DLGAP3: variants seen among roughly 807,000 people sequenced by gnomAD.
DLGAP3 encodes disks large-associated protein 3.
A neutral mutation model predicts 81.2 loss-of-function variants in DLGAP3; 17 were observed. The ratio of observed to expected loss-of-function variants is 0.21; its 90% confidence interval spans 0.14 to 0.31. The LOEUF is 0.31. Among genes scored for constraint, DLGAP3 ranks in the 10% least tolerant of loss-of-function variants. The pLI, the probability that DLGAP3 is intolerant of heterozygous loss-of-function variation, is 1.00. For missense variants in DLGAP3, 1,124 were observed against 1,388.0 expected (o/e 0.81, Z 3.02); for synonymous variants, 577 against 587.4 (o/e 0.98, Z 0.26).
In DLGAP3 at chr1:34,904,140, G is replaced by C; in HGVS notation, c.1107+137C>G. On this transcript the variant is annotated intron_variant, in intron 3 of 11. Coordinates refer to ENST00000373347, the MANE Select transcript of DLGAP3 (RefSeq NM_001080418.3). The surrounding 1 kb of genome is among the most constrained non-coding windows in gnomAD (Gnocchi z 8.1). ...AAGGAGCTCAGAGTGACCCAATGGG[G>C]CAGGGCAGAGCCTCCCTACACCCAG... 9.4e-7 allele frequency: 1 copy of C among 1,060,254 alleles called. No homozygotes were observed. Among genetic ancestry groups the C allele is most frequent in the Non-Finnish European group, 1.4e-6 (1 of 697,002 alleles). The allele number at this position is 1,060,254 out of a possible 1,614,324, so 65.7% of individuals were successfully genotyped here. A position where few individuals can be genotyped will look rare whatever the true frequency, so the allele number is the denominator to read the frequency against.
At chr1:34,871,214 G>A (rs778361876) in intron 8 of DLGAP3, among the ~76,000 whole-genome samples, 7 of 152,040 alleles carry the variant, frequency 4.6e-5, no homozygotes, top group Admixed American at 6.5e-5. Flanking sequence ...ATTATCTGAG[G>A]CCCTGATGTC....
chr1:34,923,927 T>C (rs1187007997), intron 1 of DLGAP3, among the ~76,000 whole-genome samples: 4 of 152,158 alleles, frequency 2.6e-5, no homozygotes, highest in Non-Finnish European at 5.9e-5. Flanking sequence ...CAGTATTATC[T>C]GGAAACTGTC....
At chr1:34,886,050 A>C (rs374750680) in intron 6 of DLGAP3, 22 bp downstream of exon 6, 55 of 1,579,426 alleles carry the variant, frequency 3.5e-5, no homozygotes, top group Non-Finnish European at 4.7e-5. Context: ...GGGCCGGGCC[A>C]GGGGCAGGAA....
In DLGAP3 at chr1:34,905,413, G is replaced by A; in HGVS notation, c.-30C>T. ...TCAGCAAAGGCTCTTCATAGTCTTG[G>A]GGGCCAGGCCCCAGGAACCTCCTGG... On this transcript the variant is annotated 5_prime_UTR_variant, in exon 3 of 12. Transcript: ENST00000373347. 1.3e-6 allele frequency: 2 copies of A among 1,537,086 alleles called. No individual in the cohort carries two copies. The highest frequency in any genetic ancestry group is 1.8e-6 in the Non-Finnish European group (2 of 1,140,088).
rs569828470 is a variant in DLGAP3 at position 34,865,625 on chromosome 1, GC to G, written c.*457del. On this transcript the variant is annotated 3_prime_UTR_variant, in exon 12 of 12. Transcript: ENST00000373347. ...CAGTGGGCAGAGGGCTGAGGATGGA[GC>G]CCCTGGGAGGGTGGGGCGGGCTCCT... The G allele has an allele frequency of 4.6e-4, 122 of 264,032 alleles. 5 individuals carry two copies. The highest frequency in any genetic ancestry group is 3.9e-3 in the South Asian group (119 of 30,648). The allele number at this position is 264,032 out of a possible 1,614,324, so 16.4% of individuals were successfully genotyped here. A position where few individuals can be genotyped will look rare whatever the true frequency, so the allele number is the denominator to read the frequency against.
chr1:34,907,710 C>G (rs964854475), intron 1 of DLGAP3, among the ~76,000 whole-genome samples: 4 of 151,630 alleles, frequency 2.6e-5, no homozygotes, highest in Non-Finnish European at 4.4e-5. Context: ...GTTGTTTTTT[C>G]TTTTTTTTTC....
chr1:34,922,680 C>T (rs148997871), intron 1 of DLGAP3, among the ~76,000 whole-genome samples: 128 of 152,294 alleles, frequency 8.4e-4, no homozygotes, highest in African/African-American at 2.9e-3. Flanking sequence ...ACAGCATACT[C>T]ACATATACTT....
At chr1:34,920,851 A>G (rs1639786150) in intron 1 of DLGAP3, among the ~76,000 whole-genome samples, 1 of 152,238 alleles carries the variant, frequency 6.6e-6, no homozygotes, top group South Asian at 2.1e-4. Context: ...TAGTGGAAAA[A>G]GAGGGATGAT....
At chr1:34,896,891 G>T (rs1465319275) in intron 5 of DLGAP3, among the ~76,000 whole-genome samples, 1 of 149,948 alleles carries the variant, frequency 6.7e-6, no homozygotes, top group Non-Finnish European at 1.5e-5. Context: ...TAAACCCAAG[G>T]GTTAGGGCTA....
intron 5 of DLGAP3, among the ~76,000 whole-genome samples, chr1:34,898,118 A>G (rs1286162780): frequency 6.6e-6 from 1 of 152,184 alleles, no homozygotes; most frequent in Non-Finnish European, 1.5e-5. Context: ...TATGCCTGGC[A>G]TTTACAAGAG....
intron 5 of DLGAP3, among the ~76,000 whole-genome samples, chr1:34,889,627 G>A (rs1387544354): frequency 6.6e-6 from 1 of 152,216 alleles, no homozygotes; most frequent in Non-Finnish European, 1.5e-5. Flanking sequence ...CCAGACTAGA[G>A]TTGGTGGGTC....
At chr1:34,909,283 G>A (rs1639605180) in intron 1 of DLGAP3, among the ~76,000 whole-genome samples, 1 of 152,160 alleles carries the variant, frequency 6.6e-6, no homozygotes, top group African/African-American at 2.4e-5. Context: ...TCTTGTCTTG[G>A]AGAAGATGGG....
chr1:34,904,196 C>A lies in DLGAP3; in HGVS notation c.1107+81G>T. 6.4e-7 allele frequency: 1 copy of A among 1,564,242 alleles called. No individual in the cohort carries two copies. Among genetic ancestry groups the A allele is most frequent in the African/African-American group, 1.3e-5 (1 of 74,442 alleles). The stretch of plus-strand genomic sequence containing the variant: ...CCATCACAGGGACAGCTGGCTCCCA[C>A]CCAACCCTTTCCACTGCTCCCTAGT... On this transcript the variant is annotated intron_variant, in intron 3 of 11. Coordinates refer to ENST00000373347, the MANE Select transcript of DLGAP3 (RefSeq NM_001080418.3). This position sits in a 1 kb window ranked among gnomAD's most constrained non-coding sequence, Gnocchi z 8.1.
chr1:34,883,441 C>T (rs1569612891), intron 8 of DLGAP3, among the ~76,000 whole-genome samples: 1 of 152,132 alleles, frequency 6.6e-6, no homozygotes, highest in Non-Finnish European at 1.5e-5. Context: ...AGACAAGGAA[C>T]CAAAAAGCCT....
intron 1 of DLGAP3, among the ~76,000 whole-genome samples, chr1:34,920,357 G>C (rs992136713): frequency 6.6e-6 from 1 of 152,140 alleles, no homozygotes; most frequent in Non-Finnish European, 1.5e-5. Flanking sequence ...GGATATTGGT[G>C]ACAAGATCCA....
At chr1:34,886,629 T>G (rs1639236148) in intron 5 of DLGAP3, among the ~76,000 whole-genome samples, 1 of 151,802 alleles carries the variant, frequency 6.6e-6, no homozygotes, top group South Asian at 2.1e-4. Flanking sequence ...CCCCTGACGT[T>G]TCTCTCACCT....
intron 8 of DLGAP3, among the ~76,000 whole-genome samples, chr1:34,883,143 T>A (rs1053492264): frequency 1.3e-5 from 2 of 152,230 alleles, no homozygotes; most frequent in African/African-American, 4.8e-5. Context: ...GTTGTCATAT[T>A]TTTATTCAAG....
chr1:34,920,147 C>T (rs1001065017), intron 1 of DLGAP3, among the ~76,000 whole-genome samples: 5 of 152,182 alleles, frequency 3.3e-5, no homozygotes, highest in African/African-American at 4.8e-5. Context: ...CTACTCCTCT[C>T]ACAGTCCACG....
intron 3 of DLGAP3, among the ~76,000 whole-genome samples, chr1:34,901,658 T>C (rs1363485321): frequency 3.3e-5 from 5 of 152,216 alleles, no homozygotes; most frequent in Non-Finnish European, 1.5e-5. Context: ...ACAATTATTA[T>C]AGGCACTGAA....
Sources: allele counts gnomAD v4.1 joint callset (sites outside exome capture counted in the v4.1 genomes callset), GRCh38; gene constraint gnomAD v4.1.1; non-coding constraint Gnocchi (gnomAD v3.1); transcripts MANE v1.5; gene names NCBI Gene and HGNC (gene_info 2026-07-23, HGNC 2026-07-21).